Variants in ROBO2 observed in about 807,000 individuals in gnomAD.
ROBO2 encodes the protein roundabout homolog 2.
A neutral mutation model predicts 160.8 loss-of-function variants in ROBO2; 53 were observed. That is an observed-to-expected ratio of 0.33 (90% CI 0.26 to 0.41). ROBO2 has a LOEUF of 0.41. Among genes scored for constraint, ROBO2 ranks in the 10% least tolerant of loss-of-function variants. ROBO2 has a pLI of 1.00. For missense variants in ROBO2, 1,577 were observed against 1,722.4 expected (o/e 0.92, Z 1.49); for synonymous variants, 664 against 611.7 (o/e 1.09, Z -1.26).
chr3:77,029,809 T>G lies in ROBO2; in HGVS notation c.110-68205T>G, dbSNP rs549510335. Among the ~76,000 whole-genome samples the G allele has an allele frequency of 5.9e-5, 9 of 152,338 alleles. No individual in the cohort carries two copies. In the South Asian group the frequency reaches 1.9e-3, roughly 32 times the overall value. Reference sequence around the variant, plus strand: ...ATAACTATTAACAAAAGACAATATCTAAATTACCAAAGATGTCTTGGTTAA... The same window carrying G: ...ATAACTATTAACAAAAGACAATATCGAAATTACCAAAGATGTCTTGGTTAA... On this transcript the variant is annotated intron_variant, in intron 2 of 26. Coordinates refer to the ROBO2 transcript ENST00000487694.
At chr3:77,252,975 TG>T (rs2090552379) in intron 2 of ROBO2, among the ~76,000 whole-genome samples, 1 of 151,180 alleles carries the variant, frequency 6.6e-6, no homozygotes, top group Non-Finnish European at 1.5e-5. Context: ...TATGCTCTTT[TG>T]GAAAAAAATA....
chr3:76,435,424 G>T (rs2076628251), intron 2 of ROBO2: 1 of 776,142 alleles, frequency 1.3e-6, no homozygotes. Flanking sequence ...GAAATTGCTG[G>T]ATAGGCAAAG....
chr3:76,028,299 G>GA lies in ROBO2; in HGVS notation c.109+90702dup, dbSNP rs566445463. On this transcript the variant is annotated intron_variant, in intron 2 of 26. Transcript: ENST00000487694. ...GAAGGTAAACTAGGCCCTCTTCCAT[G>GA]AAAAATCATAGGCTCAAATTATCTA... Among the ~76,000 whole-genome samples, 18 of 151,942 alleles carry GA rather than the reference G, an allele frequency of 1.2e-4. No individual in the cohort carries two copies. In the East Asian group the frequency reaches 3.5e-3, roughly 29 times the overall value.
chr3:77,440,111 A>G (rs2079759061), intron 2 of ROBO2, among the ~76,000 whole-genome samples: 1 of 152,188 alleles, frequency 6.6e-6, no homozygotes, highest in African/African-American at 2.4e-5. Flanking sequence ...GTTTTCATTT[A>G]TGTCAGTCTA....
intron 2 of ROBO2, among the ~76,000 whole-genome samples, chr3:76,791,559 C>T (rs985541807): frequency 6.6e-6 from 1 of 151,400 alleles, no homozygotes; most frequent in African/African-American, 2.4e-5. Flanking sequence ...CACACTGACA[C>T]CAACTAAAGT....
intron 2 of ROBO2, among the ~76,000 whole-genome samples, chr3:76,845,515 C>T (rs778238562): frequency 6.6e-6 from 1 of 151,902 alleles, no homozygotes; most frequent in Non-Finnish European, 1.5e-5. Context: ...CCCAAGATCT[C>T]GAAGTTGCAA....
intron 2 of ROBO2, among the ~76,000 whole-genome samples, chr3:76,180,204 A>G (rs1424832679): frequency 6.6e-6 from 1 of 152,170 alleles, no homozygotes; most frequent in Non-Finnish European, 1.5e-5. Context: ...TAGCAGTAAT[A>G]ATGTCCATCC....
intron 2 of ROBO2, among the ~76,000 whole-genome samples, chr3:77,008,124 TA>T (rs1458735597): frequency 6.6e-6 from 1 of 152,070 alleles, no homozygotes; most frequent in Non-Finnish European, 1.5e-5. Flanking sequence ...ATTAAAATTA[TA>T]AAATCATTAT....
chr3:76,070,291 T>G (rs6776808), intron 2 of ROBO2, among the ~76,000 whole-genome samples: 94,354 of 151,540 alleles, frequency 0.62, 29,985 homozygotes, highest in Middle Eastern at 0.75. Flanking sequence ...GGAACATCCT[T>G]GAGAAAGAGT....
intron 2 of ROBO2, among the ~76,000 whole-genome samples, chr3:77,118,315 A>G (rs527347355): frequency 6.6e-6 from 1 of 152,322 alleles, no homozygotes; most frequent in Admixed American, 6.5e-5. Context: ...ACTGCTGTGG[A>G]TGTTCAAAAA....
At chr3:76,591,620 A>G (rs2086423820) in intron 2 of ROBO2, among the ~76,000 whole-genome samples, 1 of 152,190 alleles carries the variant, frequency 6.6e-6, no homozygotes, top group Admixed American at 6.5e-5. Flanking sequence ...TAAACCTTGT[A>G]TTTTGTCTTT....
At chr3:77,416,049 A>T (rs928899979) in intron 2 of ROBO2, among the ~76,000 whole-genome samples, 16 of 152,166 alleles carry the variant, frequency 1.1e-4, no homozygotes, top group African/African-American at 3.9e-4. Context: ...TTGTCCCACA[A>T]CCAAGAAGGA....
chr3:76,280,565 A>G (rs779409793), intron 2 of ROBO2, among the ~76,000 whole-genome samples: 98 of 152,158 alleles, frequency 6.4e-4, no homozygotes, highest in Non-Finnish European at 8.5e-4. Context: ...AGCCACATGC[A>G]GTCTATGCCT....
chr3:77,528,551 C>T (rs1392021685), intron 6 of ROBO2, among the ~76,000 whole-genome samples: 1 of 151,608 alleles, frequency 6.6e-6, no homozygotes, highest in African/African-American at 2.4e-5. Flanking sequence ...TGTTTCTGAG[C>T]AATACTCCCT....
At chr3:76,278,462 A>G (rs931366603) in intron 2 of ROBO2, among the ~76,000 whole-genome samples, 1 of 152,016 alleles carries the variant, frequency 6.6e-6, no homozygotes, top group African/African-American at 2.4e-5. Context: ...CAAAATTTCA[A>G]TATATTTGCT....
chr3:77,366,662 T>C (rs1339132280), intron 2 of ROBO2, among the ~76,000 whole-genome samples: 1 of 152,114 alleles, frequency 6.6e-6, no homozygotes, highest in African/African-American at 2.4e-5. Flanking sequence ...ACAAGAAGCA[T>C]GATGCCAACA....
At chr3:75,928,980 C>CGTGTGT (rs60481031) in intron 1 of ROBO2, among the ~76,000 whole-genome samples, 5 of 94,054 alleles carry the variant, frequency 5.3e-5, no homozygotes, top group Admixed American at 1.2e-4. Flanking sequence ...ATAAGACGTA[C>CGTGTGT]GTGTGTGTGT....
At chr3:76,113,179 G>C (rs2070314551) in intron 2 of ROBO2, among the ~76,000 whole-genome samples, 1 of 152,024 alleles carries the variant, frequency 6.6e-6, no homozygotes, top group Non-Finnish European at 1.5e-5. Context: ...AATCATTAAA[G>C]ACTTATGTAA....
chr3:76,912,611 A>G (rs113079855), intron 2 of ROBO2, among the ~76,000 whole-genome samples: 3 of 152,296 alleles, frequency 2.0e-5, no homozygotes, highest in South Asian at 2.1e-4. Flanking sequence ...CCATTTTCCA[A>G]TTAAAGACTC....
Sources: gnomAD v4.1 joint callset for allele counts (sites outside exome capture counted in the v4.1 genomes callset) on GRCh38, gnomAD v4.1.1 for gene constraint, MANE v1.5 for transcripts, NCBI Gene and HGNC (gene_info 2026-07-23, HGNC 2026-07-21) for gene names.